ABLIM2: variants seen among roughly 807,000 people sequenced by gnomAD.
ABLIM2 encodes actin binding LIM protein family member 2.
A neutral mutation model predicts 97.7 loss-of-function variants in ABLIM2; 53 were observed. That is an observed-to-expected ratio of 0.54 (90% CI 0.44 to 0.68). ABLIM2 has a LOEUF of 0.68. Ranked by LOEUF, ABLIM2 falls within the 30% of genes least tolerant of loss-of-function variation. The pLI, the probability that ABLIM2 is intolerant of heterozygous loss-of-function variation, is 0.00. For missense variants in ABLIM2, 835 were observed against 867.2 expected, an observed-to-expected ratio of 0.96 and a Z score of 0.47; for synonymous variants, 361 against 345.8, an observed-to-expected ratio of 1.04 and a Z score of -0.49.
At position 8,005,585 on chromosome 4, in the gene ABLIM2, C is replaced by T. The variant is rs773396928; in HGVS notation, c.1618+2474G>A. On this transcript the variant is annotated intron_variant, in intron 16 of 20. Transcript: ENST00000447017. The surrounding 1 kb of genome is among the most constrained non-coding windows in gnomAD (Gnocchi z 4.9). ...AAAAAGGGTGGCTCCCTCTCAATCT[C>T]CATGTGCTCCCCTTCCCGCCTGGAT... Among the ~76,000 whole-genome samples the T allele has an allele frequency of 2.0e-5, 3 of 152,194 alleles. No individual in the cohort carries two copies. Among genetic ancestry groups the T allele is most frequent in the Non-Finnish European group, 4.4e-5 (3 of 68,032 alleles).
At chr4:8,029,546 T>G (rs1779504915) in intron 11 of ABLIM2, 110 bp downstream of exon 11, 3 of 1,255,756 alleles carry the variant, frequency 2.4e-6, no homozygotes, top group Non-Finnish European at 3.1e-6. Flanking sequence ...ATATTTCCAG[T>G]TGTATAAGAA....
At chr4:7,997,367 G>A (rs1331238048) in intron 16 of ABLIM2, among the ~76,000 whole-genome samples, 1 of 152,164 alleles carries the variant, frequency 6.6e-6, no homozygotes, top group African/African-American at 2.4e-5. Flanking sequence ...ACTGCGCCCA[G>A]CCGCTATTAT....
At chr4:8,029,878 A>G in intron 10 of ABLIM2, 102 bp from the exon 11 acceptor site, 1 of 1,440,496 alleles carries the variant, frequency 6.9e-7, no homozygotes, top group South Asian at 1.4e-5. Context: ...CTCCTGACCC[A>G]AGTGGATGAC....
Position 8,054,388 on chromosome 4 carries a change from T to G in ABLIM2, c.764-142A>C. 2 of 870,002 alleles carry G rather than the reference T, an allele frequency of 2.3e-6. No homozygotes were observed. Among genetic ancestry groups the G allele is most frequent in the Non-Finnish European group, 3.7e-6 (2 of 545,896 alleles). 53.9% of individuals were successfully genotyped at this position (870,002 alleles called of 1,614,324 possible). ...CCTCCAAGCGGCCCTGAGCATCCTCTCTGTGCTGGAGTTAGTGCCGGGCAG... is the reference window on the plus strand; with the variant it reads ...CCTCCAAGCGGCCCTGAGCATCCTCGCTGTGCTGGAGTTAGTGCCGGGCAG... On this transcript the variant is annotated intron_variant, in intron 7 of 20. Transcript: ENST00000447017. The surrounding 1 kb of genome is among the most constrained non-coding windows in gnomAD (Gnocchi z 4.9).
intron 1 of ABLIM2, among the ~76,000 whole-genome samples, chr4:8,152,179 G>A (rs924634408): frequency 2.0e-5 from 3 of 152,166 alleles, no homozygotes; most frequent in Admixed American, 6.5e-5. Context: ...ACTCAGCCAC[G>A]CGTTATGAGG....
intron 4 of ABLIM2, among the ~76,000 whole-genome samples, chr4:8,086,232 T>C (rs1466761765): frequency 7.0e-6 from 1 of 143,800 alleles, no homozygotes; most frequent in Non-Finnish European, 1.5e-5. Context: ...TCAAAATAAA[T>C]TTACATTTGG....
At chr4:8,084,201 T>C (rs975115334) in intron 4 of ABLIM2, among the ~76,000 whole-genome samples, 1 of 152,282 alleles carries the variant, frequency 6.6e-6, no homozygotes, top group African/African-American at 2.4e-5. Flanking sequence ...CTGGAAAAGA[T>C]AAAACACGTT....
chr4:7,984,268 A>G (rs1741485112), intron 18 of ABLIM2, among the ~76,000 whole-genome samples: 1 of 152,064 alleles, frequency 6.6e-6, no homozygotes, highest in Admixed American at 6.5e-5. Context: ...ACTTAGAGGG[A>G]GCAGGCTGTG....
At chr4:8,114,654 G>A (rs1374883375) in intron 1 of ABLIM2, among the ~76,000 whole-genome samples, 2 of 152,142 alleles carry the variant, frequency 1.3e-5, no homozygotes, top group Non-Finnish European at 2.9e-5. Context: ...TCTCACCACG[G>A]CCATCACTGC....
At chr4:8,097,359 C>T (rs1370074672) in intron 2 of ABLIM2, 77 bp from the exon 3 acceptor site, 5 of 1,490,548 alleles carry the variant, frequency 3.4e-6, no homozygotes, top group Admixed American at 2.1e-5. Flanking sequence ...GGTGCACCCC[C>T]CTCCACACAC....
chr4:8,079,232 C>CGAG (rs1331901827), intron 5 of ABLIM2, among the ~76,000 whole-genome samples: 1 of 152,170 alleles, frequency 6.6e-6, no homozygotes, highest in Non-Finnish European at 1.5e-5. Flanking sequence ...TCAGGACTCC[C>CGAG]GTAATAACCC....
At chr4:8,028,055 A>G (rs890972805) in intron 11 of ABLIM2, among the ~76,000 whole-genome samples, 198 bp from the exon 12 acceptor site, 2 of 152,220 alleles carry the variant, frequency 1.3e-5, no homozygotes, top group Non-Finnish European at 2.9e-5. Context: ...ACCTCAGAGG[A>G]CCAGGCAGAG....
intron 16 of ABLIM2, 107 bp from the exon 17 acceptor site, chr4:7,993,034 A>C: frequency 8.5e-7 from 1 of 1,176,944 alleles, no homozygotes; most frequent in Non-Finnish European, 1.2e-6. Flanking sequence ...TGGGCAAGCA[A>C]CACAGGGGAG....
chr4:8,060,318 G>A (rs1275436229), intron 7 of ABLIM2, among the ~76,000 whole-genome samples: 1 of 152,208 alleles, frequency 6.6e-6, no homozygotes, highest in Non-Finnish European at 1.5e-5. Context: ...CTTCAGGTCT[G>A]GCAGCCCACA....
intron 1 of ABLIM2, among the ~76,000 whole-genome samples, chr4:8,138,397 A>G (rs1306919126): frequency 6.6e-6 from 1 of 152,232 alleles, no homozygotes; most frequent in Non-Finnish European, 1.5e-5. Context: ...ACCAAAAAAG[A>G]GCTCATATAG....
At position 7,984,853 on chromosome 4, in the gene ABLIM2, C is replaced by G. The variant is rs906053631; in HGVS notation, c.1721G>C (p.Ser574Thr). The G allele has an allele frequency of 1.2e-6, 2 of 1,605,884 alleles. No individual in the cohort carries two copies. Among genetic ancestry groups the G allele is most frequent in the Non-Finnish European group, 1.7e-6 (2 of 1,176,796 alleles). The part of the protein sequence containing the change: ...LAPCGADPDA[S>T]WGMREYKIYP... ...GCTCTGTGTACCTCGCATGCCCCAGCTGGCATCCGGGTCTGCTCCACAGGG... is the reference window on the plus strand; with the variant it reads ...GCTCTGTGTACCTCGCATGCCCCAGGTGGCATCCGGGTCTGCTCCACAGGG... The change falls in exon 18 of 21, where the codon AGC (serine) becomes ACC (threonine). Residue 574 changes from serine to threonine, a missense_variant. Coordinates refer to ENST00000447017, the MANE Select transcript of ABLIM2 (RefSeq NM_001130083.2).
intron 1 of ABLIM2, among the ~76,000 whole-genome samples, chr4:8,153,713 C>T (rs1713928982): frequency 6.9e-6 from 1 of 145,372 alleles, no homozygotes; most frequent in Non-Finnish European, 1.5e-5. Context: ...GCGCTGGAGG[C>T]AGAGTGTGCT....
rs1004203387 is a variant in ABLIM2, at chr4:8,015,466, A to C, written c.1423+4152T>G. 6.6e-6 allele frequency among the ~76,000 whole-genome samples: 1 copy of C among 152,088 alleles called. No homozygotes were observed. Among genetic ancestry groups the C allele is most frequent in the East Asian group, 1.9e-4 (1 of 5,186 alleles). On this transcript the variant is annotated intron_variant, in intron 14 of 20. Coordinates refer to ENST00000447017, the MANE Select transcript of ABLIM2 (RefSeq NM_001130083.2). The surrounding 1 kb of genome is among the most constrained non-coding windows in gnomAD (Gnocchi z 4.6). ...TTCCTCCCCATCCCGCCGGTCCCCAAACCAAAATGAGACTCCACCCTTTGA... is the reference window on the plus strand; with the variant it reads ...TTCCTCCCCATCCCGCCGGTCCCCACACCAAAATGAGACTCCACCCTTTGA...
intron 14 of ABLIM2, among the ~76,000 whole-genome samples, chr4:8,014,679 T>C (rs1383527203): frequency 6.6e-6 from 1 of 152,194 alleles, no homozygotes; most frequent in Non-Finnish European, 1.5e-5. Context: ...CATAGTGGGG[T>C]GGGTGCTTGA....
Sources: allele counts gnomAD v4.1 joint callset (sites outside exome capture counted in the v4.1 genomes callset), GRCh38; gene constraint gnomAD v4.1.1; non-coding constraint Gnocchi (gnomAD v3.1); transcripts MANE v1.5; gene names NCBI Gene and HGNC (gene_info 2026-07-23, HGNC 2026-07-21).